SPICE1: variants seen among roughly 807,000 people sequenced by gnomAD.
The protein encoded by SPICE1 is spindle and centriole-associated protein 1.
Under a neutral mutation model 102.7 loss-of-function variants are expected in SPICE1, and 75 were observed. The observed-to-expected ratio is 0.73, with a 90% CI of 0.61 to 0.88. The LOEUF (loss-of-function observed/expected upper bound fraction) is 0.88, where lower values mean the gene tolerates loss of function less well. SPICE1 is among the 40% of genes least tolerant of loss of function. The probability of loss-of-function intolerance (pLI) is 0.00; values close to 1 mark genes in which losing one functional copy is unlikely to be tolerated. For missense variants in SPICE1, 979 were observed against 1,020.1 expected, an observed-to-expected ratio of 0.96 and a Z score of 0.55; for synonymous variants, 308 against 350.3, an observed-to-expected ratio of 0.88 and a Z score of 1.35.
chr3:113,489,611 C>A (rs1936721612), intron 6 of SPICE1, among the ~76,000 whole-genome samples: 1 of 152,004 alleles, frequency 6.6e-6, no homozygotes, highest in Non-Finnish European at 1.5e-5. Flanking sequence ...TTTGGGAGGC[C>A]AAGGCAAGTG....
rs996785375 is a variant in SPICE1 at position 113,454,864 on chromosome 3, T to C, written c.1658-914A>G. ...GGCATGTATGACTGATAACAAGAAC[T>C]GTTCAAGAGACTTCAAAAACCAGAA... On this transcript the variant is annotated intron_variant, in intron 13 of 17. Transcript: ENST00000295872. 6.6e-5 allele frequency among the ~76,000 whole-genome samples: 10 copies of C among 152,158 alleles called. No individual in the cohort carries two copies. The East Asian group carries it at 1.9e-3, about 29-fold the overall frequency.
chr3:113,497,342 A>AT (rs1035714390), intron 4 of SPICE1, among the ~76,000 whole-genome samples: 15 of 152,166 alleles, frequency 9.9e-5, no homozygotes, highest in Non-Finnish European at 1.6e-4. Context: ...ATAGGAGGGT[A>AT]TTTTTTTATT....
At position 113,446,201 on chromosome 3, in the gene SPICE1, C is replaced by T. The variant is rs551404429; in HGVS notation, c.2514+388G>A. On this transcript the variant is annotated intron_variant, in intron 17 of 17. Transcript: ENST00000295872. ...AGGGATAAAATGAGAGGAAAAGTGA[C>T]TGGACCCAGTGCTCTGGCTGTCCCA... 4.6e-5 allele frequency among the ~76,000 whole-genome samples: 7 copies of T among 152,288 alleles called. No individual in the cohort carries two copies. The South Asian group carries it at 1.4e-3, about 32-fold the overall frequency.
intron 16 of SPICE1, 61 bp from the exon 17 acceptor site, chr3:113,446,737 T>G: frequency 7.5e-7 from 1 of 1,326,426 alleles, no homozygotes; most frequent in Non-Finnish European, 1.1e-6. Flanking sequence ...CTTAAAAGAT[T>G]ATGCAAACAA....
At position 113,479,147 on chromosome 3, in the gene SPICE1, G is replaced by C. The variant is rs867312578; in HGVS notation, c.611+9798C>G. On this transcript the variant is annotated intron_variant, in intron 7 of 17. Coordinates refer to ENST00000295872, the MANE Select transcript of SPICE1 (RefSeq NM_144718.4). ...CCCCACCCCCCACCCCACAACAGTCGCCAGTGTGTGATGTTCCCCTTCCTG... is the reference window on the plus strand; with the variant it reads ...CCCCACCCCCCACCCCACAACAGTCCCCAGTGTGTGATGTTCCCCTTCCTG... Among the ~76,000 whole-genome samples the C allele has an allele frequency of 1.7e-4, 21 of 121,896 alleles. No homozygotes were observed. In the East Asian group the frequency reaches 2.8e-3, roughly 16 times the overall value. The allele number at this position is 121,896 out of a possible 152,430, so 80.0% of individuals were successfully genotyped here.
In SPICE1 at chr3:113,446,660, C is replaced by A; in HGVS notation, c.2443G>T (p.Gly815Cys). 1 of 1,613,222 alleles carries A rather than the reference C, an allele frequency of 6.2e-7. No homozygotes were observed. Among genetic ancestry groups the A allele is most frequent in the Non-Finnish European group, 8.5e-7 (1 of 1,179,488 alleles). Residue 815 changes from glycine (G) to cysteine (C), a missense_variant, in exon 17 of 18, where the codon GGT (glycine) becomes TGT (cysteine). By Grantham distance (159) the Gly-to-Cys change is radical. Coordinates refer to ENST00000295872, the MANE Select transcript of SPICE1 (RefSeq NM_144718.4). ...GCATTTAGTGGAGAACAAGAATTAC[C>A]AGTAGCCCCGGAAGATCTATTCATG... is the stretch of plus-strand genomic sequence containing the variant. The part of the protein sequence containing the change: ...INTRRSSGAT[G>C]NSCSPLNATS...
intron 7 of SPICE1, among the ~76,000 whole-genome samples, chr3:113,479,179 T>C (rs922480068): frequency 1.4e-5 from 2 of 140,772 alleles, no homozygotes; most frequent in Admixed American, 7.8e-5. Flanking sequence ...CCTGTGGCCA[T>C]GTGTTCTCAT....
chr3:113,448,837 T>C (rs1935576827), intron 15 of SPICE1: 1 of 152,224 alleles, frequency 6.6e-6, no homozygotes, highest in South Asian at 2.1e-4. Context: ...AGGTTTTTCA[T>C]GATATATGGT....
chr3:113,469,006 C>A, intron 8 of SPICE1, 93 bp downstream of exon 8: 1 of 1,558,972 alleles, frequency 6.4e-7, no homozygotes, highest in South Asian at 1.2e-5. Context: ...CAAAGGCAGT[C>A]AAAACTCAAA....
At chr3:113,470,626 A>G (rs935340490) in intron 7 of SPICE1, among the ~76,000 whole-genome samples, 1 of 152,200 alleles carries the variant, frequency 6.6e-6, no homozygotes, top group Non-Finnish European at 1.5e-5. Context: ...TCTACTCTCT[A>G]TCTTCCTAAG....
chr3:113,471,961 C>T (rs189148852), intron 7 of SPICE1, among the ~76,000 whole-genome samples: 2,522 of 152,210 alleles, frequency 0.017, 57 homozygotes, highest in African/African-American at 0.049. Context: ...TGCAGTGCAC[C>T]GTGCGCGAGC....
At chr3:113,467,967 A>G (rs1178274723) in intron 10 of SPICE1, among the ~76,000 whole-genome samples, 172 bp downstream of exon 10, 1 of 152,264 alleles carries the variant, frequency 6.6e-6, no homozygotes, top group Admixed American at 6.5e-5. Context: ...AACTAACGGC[A>G]GAAAAGACTT....
At chr3:113,465,063 T>G (rs1234356083) in intron 11 of SPICE1, among the ~76,000 whole-genome samples, 2 of 148,274 alleles carry the variant, frequency 1.3e-5, no homozygotes, top group Non-Finnish European at 3.0e-5. Context: ...CTCATGCCAC[T>G]GCACTCCATC....
At chr3:113,467,704 A>G (rs1171191516) in intron 10 of SPICE1, among the ~76,000 whole-genome samples, 1 of 152,232 alleles carries the variant, frequency 6.6e-6, no homozygotes, top group Admixed American at 6.5e-5. Context: ...TACAGGGAAC[A>G]TGAAGAATTC....
intron 9 of SPICE1, 97 bp downstream of exon 9, chr3:113,468,665 G>C: frequency 7.3e-7 from 1 of 1,366,702 alleles, no homozygotes; most frequent in East Asian, 2.3e-5. Flanking sequence ...GGAACCATGT[G>C]GATGAGATTA....
chr3:113,500,249 T>C (rs1936983780), intron 3 of SPICE1, among the ~76,000 whole-genome samples: 2 of 152,192 alleles, frequency 1.3e-5, no homozygotes, highest in Non-Finnish European at 2.9e-5. Flanking sequence ...AAATTAGATA[T>C]TTGATTTTAC....
intron 6 of SPICE1, among the ~76,000 whole-genome samples, chr3:113,492,016 G>GA: frequency 6.6e-6 from 1 of 152,268 alleles, no homozygotes; most frequent in Non-Finnish European, 1.5e-5. Context: ...AAGTATGACT[G>GA]AAATAAATAG....
chr3:113,460,712 G>C lies in SPICE1; in HGVS notation c.1340C>G (p.Thr447Arg). Residue 447 changes from threonine to arginine, a missense_variant, in exon 12 of 18, where the codon ACA (threonine) becomes AGA (arginine). Transcript: ENST00000295872. ...VTTDEQLISL[T>R]HAIKNCPVIN... ...CACAGGACAGTTCTTAATAGCATGTGTGAGTGATATCAGTTGCTCATCTGT... is the reference window on the plus strand; with the variant it reads ...CACAGGACAGTTCTTAATAGCATGTCTGAGTGATATCAGTTGCTCATCTGT... 6.2e-7 allele frequency: 1 copy of C among 1,613,500 alleles called. No individual in the cohort carries two copies. The highest frequency in any genetic ancestry group is 8.5e-7 in the Non-Finnish European group (1 of 1,179,856).
rs369482023 is a variant in SPICE1, at chr3:113,503,141, A to T, written c.147+39T>A. 51 of 1,588,444 alleles carry T rather than the reference A, an allele frequency of 3.2e-5. No homozygotes were observed. The African/African-American group carries it at 5.3e-4, about 17-fold the overall frequency. On this transcript the variant is annotated intron_variant, in intron 3 of 17. Transcript: ENST00000295872. ...GGTTACAAGTCAAATACCAAATAAA[A>T]CACTGAATAAATGACTTAAGTTTTG...
Sources: allele counts gnomAD v4.1 joint callset (sites outside exome capture counted in the v4.1 genomes callset), GRCh38; gene constraint gnomAD v4.1.1; transcripts MANE v1.5; gene names NCBI Gene and HGNC (gene_info 2026-07-23, HGNC 2026-07-21).